Variants in MIPOL1 observed in about 807,000 individuals in gnomAD.
MIPOL1 encodes mirror-image polydactyly gene 1 protein.
In MIPOL1, 57 loss-of-function variants were observed where a neutral mutation model predicts 60.9. That is an observed-to-expected ratio of 0.94 (90% CI 0.76 to 1.17). The LOEUF (loss-of-function observed/expected upper bound fraction) is 1.17, where lower values mean the gene tolerates loss of function less well. Among genes scored for constraint, MIPOL1 ranks in the 50% most tolerant of loss-of-function variants. MIPOL1 has a pLI of 0.00. For synonymous variants in MIPOL1, 179 were observed against 168.8 expected, an observed-to-expected ratio of 1.06 and a Z score of -0.47; for missense variants, 551 against 511.6, an observed-to-expected ratio of 1.08 and a Z score of -0.74.
chr14:37,235,329 C>G (rs1971297321), intron 1 of MIPOL1, among the ~76,000 whole-genome samples: 1 of 152,128 alleles, frequency 6.6e-6, no homozygotes, highest in South Asian at 2.1e-4. Flanking sequence ...TAGTAGTTCA[C>G]ATAGTGTTCA....
intron 7 of MIPOL1, among the ~76,000 whole-genome samples, chr14:37,292,678 G>A (rs1276172759): frequency 1.6e-4 from 24 of 151,636 alleles, no homozygotes; most frequent in African/African-American, 4.4e-4. Context: ...ATGGGGTTTC[G>A]CCATGTTGAC....
intron 10 of MIPOL1, among the ~76,000 whole-genome samples, chr14:37,390,356 G>A (rs1195257270): frequency 6.6e-6 from 1 of 151,930 alleles, no homozygotes; most frequent in African/African-American, 2.4e-5. Context: ...AATAATATCT[G>A]GAATGTCACT....
intron 10 of MIPOL1, among the ~76,000 whole-genome samples, chr14:37,409,103 G>A (rs1399649039): frequency 6.6e-6 from 1 of 152,124 alleles, no homozygotes. Context: ...CTCCCTCATG[G>A]AACAGACACA....
chr14:37,264,167 TC>T (rs2082701920), intron 3 of MIPOL1, among the ~76,000 whole-genome samples: 1 of 152,166 alleles, frequency 6.6e-6, no homozygotes, highest in African/African-American at 2.4e-5. Context: ...ACTGCTTTCA[TC>T]TTCTCTTGGT....
chr14:37,453,697 T>A (rs1158502174), intron 11 of MIPOL1, among the ~76,000 whole-genome samples: 9 of 152,144 alleles, frequency 5.9e-5, no homozygotes, highest in Non-Finnish European at 1.3e-4. Context: ...ATCTACACAT[T>A]TGGAATTAAA....
intron 6 of MIPOL1, among the ~76,000 whole-genome samples, chr14:37,274,853 A>G (rs764441021): frequency 1.7e-4 from 25 of 151,238 alleles, no homozygotes; most frequent in Non-Finnish European, 3.1e-4. Context: ...TTTTCTCAAG[A>G]CTTCTTCATC....
At chr14:37,471,811 A>G (rs1175946553) in intron 11 of MIPOL1, among the ~76,000 whole-genome samples, 2 of 152,090 alleles carry the variant, frequency 1.3e-5, no homozygotes, top group Non-Finnish European at 2.9e-5. Context: ...CCTTCAAATT[A>G]ATACCTACTT....
chr14:37,534,364 C>T (rs1447462103), intron 12 of MIPOL1, among the ~76,000 whole-genome samples: 2 of 152,166 alleles, frequency 1.3e-5, no homozygotes, highest in Non-Finnish European at 2.9e-5. Flanking sequence ...ATATATACTA[C>T]AAATCTTCAC....
chr14:37,204,484 G>A (rs1305022619), intron 1 of MIPOL1, among the ~76,000 whole-genome samples: 1 of 152,084 alleles, frequency 6.6e-6, no homozygotes, highest in South Asian at 2.1e-4. Context: ...ATCATGGGTG[G>A]TTTCTCTCAT....
intron 1 of MIPOL1, among the ~76,000 whole-genome samples, chr14:37,200,193 T>C (rs1438812586): frequency 6.6e-6 from 1 of 152,226 alleles, no homozygotes; most frequent in African/African-American, 2.4e-5. Context: ...AACCAAGTAA[T>C]GTGTGAAGCT....
At chr14:37,238,472 A>G (rs547030027) in intron 1 of MIPOL1, among the ~76,000 whole-genome samples, 1 of 152,282 alleles carries the variant, frequency 6.6e-6, no homozygotes, top group Admixed American at 6.5e-5. Context: ...TAATAGTTTT[A>G]ATAGTTATGA....
intron 9 of MIPOL1, among the ~76,000 whole-genome samples, chr14:37,313,046 T>G (rs546273097): frequency 6.6e-6 from 1 of 152,348 alleles, no homozygotes; most frequent in East Asian, 1.9e-4. Flanking sequence ...TTAAGGAATC[T>G]GATCTGTCAC....
intron 12 of MIPOL1, among the ~76,000 whole-genome samples, chr14:37,521,948 G>A (rs1423727120): frequency 6.8e-6 from 1 of 147,556 alleles, no homozygotes; most frequent in African/African-American, 2.5e-5. Context: ...AAACAGAGCA[G>A]AGAACATTAC....
Position 37,266,949 on chromosome 14 carries a change from A to G in MIPOL1, c.31A>G (p.Ser11Gly). 1 of 1,610,526 alleles carries G rather than the reference A, an allele frequency of 6.2e-7. No individual in the cohort carries two copies. The highest frequency in any genetic ancestry group is 1.7e-4 in the Middle Eastern group (1 of 6,058). Residue 11 changes from serine (S) to glycine (G), a missense_variant, in exon 4 of 13, where the codon AGT becomes GGT. By Grantham distance (56) the Ser-to-Gly change is moderately conservative. Transcript: ENST00000684589. MENWSKDITHSYLEQETTGIN... is the reference protein window; with the variant it reads MENWSKDITHGYLEQETTGIN... Reference sequence around the variant, plus strand: ...TTGTTTAAATACAGACATAACCCACAGTTATCTTGAACAAGAAACTACGGG... The same window carrying G: ...TTGTTTAAATACAGACATAACCCACGGTTATCTTGAACAAGAAACTACGGG...
At chr14:37,362,900 C>T (rs189180435) in intron 9 of MIPOL1, among the ~76,000 whole-genome samples, 4 of 152,242 alleles carry the variant, frequency 2.6e-5, no homozygotes, top group East Asian at 3.9e-4. Context: ...TTGATTGAAT[C>T]GGCTATTGAA....
chr14:37,224,176 T>C (rs1234324783), intron 1 of MIPOL1, among the ~76,000 whole-genome samples: 1 of 152,210 alleles, frequency 6.6e-6, no homozygotes, highest in Admixed American at 6.5e-5. Flanking sequence ...GAAAGAGAAC[T>C]CTGTTTAGAA....
At chr14:37,539,342 A>G (rs1002561029) in intron 12 of MIPOL1, among the ~76,000 whole-genome samples, 1 of 152,218 alleles carries the variant, frequency 6.6e-6, no homozygotes, top group Admixed American at 6.5e-5. Flanking sequence ...ATGTCAAAAA[A>G]AGAGAAGTTT....
intron 10 of MIPOL1, among the ~76,000 whole-genome samples, chr14:37,409,615 G>A (rs771817723): frequency 2.6e-5 from 4 of 151,918 alleles, no homozygotes; most frequent in African/African-American, 9.7e-5. Flanking sequence ...GTGAAACCCC[G>A]TCTCTTATAA....
At chr14:37,259,708 A>G (rs1475161706) in intron 3 of MIPOL1, among the ~76,000 whole-genome samples, 1 of 152,170 alleles carries the variant, frequency 6.6e-6, no homozygotes. Context: ...AAAAGAATGT[A>G]AATTTCTCAA....
Sources: allele counts gnomAD v4.1 joint callset (sites outside exome capture counted in the v4.1 genomes callset), GRCh38; gene constraint gnomAD v4.1.1; transcripts MANE v1.5; gene names NCBI Gene and HGNC (gene_info 2026-07-23, HGNC 2026-07-21).